GPR39: variants seen among roughly 807,000 people sequenced by gnomAD.
GPR39 encodes G protein-coupled receptor 39.
GPR39 carries 23 observed loss-of-function variants against 18.4 expected under a neutral mutation model. That is an observed-to-expected ratio of 1.25 (90% CI 0.90 to 1.77). The LOEUF (loss-of-function observed/expected upper bound fraction) is 1.77. GPR39 is among the 40% of genes most tolerant of loss of function. The pLI, the probability that GPR39 is intolerant of heterozygous loss-of-function variation, is 0.00. For synonymous variants in GPR39, 280 were observed against 257.9 expected (o/e 1.09, Z -0.82); for missense variants, 647 against 602.4 (o/e 1.07, Z -0.78).
Position 132,645,386 on chromosome 2 carries a change from C to T in GPR39, c.1142C>T (p.Thr381Ile). ...CGCCTGCGCGTACATGCGCACTCCA[C>T]CACCGACAGCGCCCGCTTTGTGCAG... ...EKRLRVHAHS[T>I]TDSARFVQRP... The change falls in exon 2 of 2, where the codon ACC (threonine) becomes ATC (isoleucine). Residue 381 changes from threonine to isoleucine, a missense_variant. Thr to Ile is a moderately conservative substitution (Grantham distance 89). Around this residue, in one of 3 missense-constraint regions of GPR39, gnomAD observed 581 missense variants for 506.8 expected, o/e 1.15. Transcript: ENST00000329321. 1 of 1,613,824 alleles carries T rather than the reference C, an allele frequency of 6.2e-7. No homozygotes were observed. Among genetic ancestry groups the T allele is most frequent in the Middle Eastern group, 1.6e-4 (1 of 6,062 alleles).
chr2:132,462,230 G>T (rs1022538920), intron 1 of GPR39, among the ~76,000 whole-genome samples: 4 of 152,206 alleles, frequency 2.6e-5, no homozygotes, highest in Admixed American at 1.3e-4. Flanking sequence ...CCTCACAAAG[G>T]TTGCACTCAG....
intron 1 of GPR39, among the ~76,000 whole-genome samples, chr2:132,469,322 G>A (rs1680987469): frequency 6.6e-6 from 1 of 152,166 alleles, no homozygotes; most frequent in South Asian, 2.1e-4. Flanking sequence ...TTCCTTCTAT[G>A]TAGTGACTTC....
At chr2:132,448,991 A>G (rs1355093610) in intron 1 of GPR39, among the ~76,000 whole-genome samples, 1 of 152,114 alleles carries the variant, frequency 6.6e-6, no homozygotes, top group Non-Finnish European at 1.5e-5. Context: ...GCTCTCCGCA[A>G]CCCCCTGCAG....
intron 1 of GPR39, among the ~76,000 whole-genome samples, chr2:132,622,083 C>T (rs140891736): frequency 6.2e-4 from 95 of 152,108 alleles, no homozygotes; most frequent in African/African-American, 2.2e-3. Flanking sequence ...TTGAGAAGGA[C>T]GATGGAAAAA....
chr2:132,453,999 T>G (rs1195165970), intron 1 of GPR39, among the ~76,000 whole-genome samples: 1 of 152,214 alleles, frequency 6.6e-6, no homozygotes, highest in Non-Finnish European at 1.5e-5. Context: ...TTAAAGTAGT[T>G]TTTTCCAATT....
intron 1 of GPR39, among the ~76,000 whole-genome samples, chr2:132,432,282 A>G (rs1018747486): frequency 6.6e-6 from 1 of 152,190 alleles, no homozygotes; most frequent in African/African-American, 2.4e-5. Context: ...GTGTCCTCAC[A>G]TGGTGGAAGG....
intron 1 of GPR39, among the ~76,000 whole-genome samples, chr2:132,495,038 G>A (rs1388907838): frequency 6.6e-6 from 1 of 152,168 alleles, no homozygotes; most frequent in Non-Finnish European, 1.5e-5. Context: ...GTTTCTAGGA[G>A]ATTTCAGCTT....
At chr2:132,499,041 G>A (rs535874981) in intron 1 of GPR39, among the ~76,000 whole-genome samples, 2 of 152,276 alleles carry the variant, frequency 1.3e-5, no homozygotes, top group East Asian at 1.9e-4. Context: ...TTCTTTTGCT[G>A]AGCAGAACTT....
chr2:132,572,697 C>T (rs549056940), intron 1 of GPR39, among the ~76,000 whole-genome samples: 3 of 152,284 alleles, frequency 2.0e-5, no homozygotes, highest in South Asian at 2.1e-4. Context: ...ACCATTCTCT[C>T]GGGCACTTTC....
chr2:132,645,933 C>A lies in GPR39; in HGVS notation c.*327C>A. 2 of 785,840 alleles carry A rather than the reference C, an allele frequency of 2.5e-6. No homozygotes were observed. The highest frequency in any genetic ancestry group is 2.1e-5 in the South Asian group (1 of 48,598). The allele number at this position is 785,840 out of a possible 1,614,324, so 48.7% of individuals were successfully genotyped here. On this transcript the variant is annotated 3_prime_UTR_variant, in exon 2 of 2. Transcript: ENST00000329321. ...AGGAACAAAAGAGAACACGGACTCCCGCTCCCTACCCAGAATAAAAGGACA... is the reference window on the plus strand; with the variant it reads ...AGGAACAAAAGAGAACACGGACTCCAGCTCCCTACCCAGAATAAAAGGACA...
intron 1 of GPR39, among the ~76,000 whole-genome samples, chr2:132,576,261 C>A (rs1203176194): frequency 6.6e-6 from 1 of 152,012 alleles, no homozygotes; most frequent in Non-Finnish European, 1.5e-5. Flanking sequence ...GGTTGCTTAT[C>A]TTTTTCTCCT....
intron 1 of GPR39, among the ~76,000 whole-genome samples, chr2:132,619,418 C>A (rs1681395709): frequency 2.0e-5 from 3 of 152,156 alleles, no homozygotes; most frequent in Admixed American, 6.5e-5. Flanking sequence ...CTGACCTCCA[C>A]CCCTTGAGCC....
intron 1 of GPR39, among the ~76,000 whole-genome samples, chr2:132,593,571 T>C (rs563339201): frequency 2.5e-4 from 38 of 152,110 alleles, no homozygotes; most frequent in Non-Finnish European, 4.0e-4. Flanking sequence ...TTACTACACA[T>C]AGGATAACTT....
At chr2:132,448,616 CTG>C (rs1680580289) in intron 1 of GPR39, among the ~76,000 whole-genome samples, 1 of 152,178 alleles carries the variant, frequency 6.6e-6, no homozygotes, top group South Asian at 2.1e-4. Flanking sequence ...TCCCTTGTTT[CTG>C]TGTCACATCT....
At chr2:132,421,339 A>G (rs1680004842) in intron 1 of GPR39, among the ~76,000 whole-genome samples, 2 of 152,210 alleles carry the variant, frequency 1.3e-5, no homozygotes, top group African/African-American at 4.8e-5. Context: ...TAAAAAAAGC[A>G]TAGTTTTAAT....
intron 1 of GPR39, among the ~76,000 whole-genome samples, chr2:132,549,549 G>T (rs1185692317): frequency 6.6e-6 from 1 of 152,186 alleles, no homozygotes; most frequent in Non-Finnish European, 1.5e-5. Flanking sequence ...AGCACTTTGG[G>T]AGACAGAGGC....
intron 1 of GPR39, among the ~76,000 whole-genome samples, chr2:132,552,931 CA>C (rs1440692518): frequency 7.2e-4 from 102 of 141,480 alleles, no homozygotes; most frequent in Non-Finnish European, 7.7e-5. Flanking sequence ...CACACACACA[CA>C]CATATATATA....
chr2:132,580,314 G>A (rs1680600485), intron 1 of GPR39, among the ~76,000 whole-genome samples: 1 of 152,220 alleles, frequency 6.6e-6, no homozygotes, highest in Admixed American at 6.5e-5. Flanking sequence ...TATCTCTAGT[G>A]TGAGGGTTTT....
intron 1 of GPR39, among the ~76,000 whole-genome samples, chr2:132,423,016 G>A (rs755163841): frequency 1.3e-4 from 20 of 151,972 alleles, no homozygotes; most frequent in Non-Finnish European, 2.6e-4. Context: ...AGACAGCGCC[G>A]TGGAAGAATA....
Sources: allele counts gnomAD v4.1 joint callset (sites outside exome capture counted in the v4.1 genomes callset), GRCh38; gene constraint gnomAD v4.1.1; regional missense constraint gnomAD v4.1.1; transcripts MANE v1.5; gene names NCBI Gene and HGNC (gene_info 2026-07-23, HGNC 2026-07-21).